The following STS variants were observed in gnomAD, a reference collection of about 807,000 sequenced individuals.
STS encodes steroid sulfatase.
STS carries 7 observed loss-of-function variants against 26.8 expected under a neutral mutation model. That is an observed-to-expected ratio of 0.26 (90% CI 0.15 to 0.49). The LOEUF (loss-of-function observed/expected upper bound fraction) is 0.49, where lower values mean the gene tolerates loss of function less well. Among genes scored for constraint, STS ranks in the 20% least tolerant of loss-of-function variants. The probability of loss-of-function intolerance (pLI) is 0.98; values close to 1 mark genes in which losing one functional copy is unlikely to be tolerated. For synonymous variants in STS, 199 were observed against 189.4 expected (o/e 1.05, Z -0.42); for missense variants, 434 against 465.6 (o/e 0.93, Z 0.63).
Position 7,215,138 on chromosome X carries a change from C to CATATATAT in STS, c.-5+24142_-5+24149dup, listed in dbSNP as rs369499691. On this transcript the variant is annotated intron_variant, in intron 2 of 10. Coordinates refer to ENST00000674429, the MANE Select transcript of STS (RefSeq NM_001320752.2). ...ATATACACACACACACACACACACA[C>CATATATAT]ATATATATATATATATATACACACC... 1.4e-3 allele frequency among the ~76,000 whole-genome samples: 127 copies of CATATATAT among 90,292 alleles called. 1 individual carries two copies. Among genetic ancestry groups the CATATATAT allele is most frequent in the African/African-American group, 5.0e-3 (118 of 23,402 alleles). 78.4% of individuals were successfully genotyped at this position (90,292 alleles called of 115,157 possible). A position where few individuals can be genotyped will look rare whatever the true frequency, so the allele number is the denominator to read the frequency against.
At chrX:7,267,071 C>G (rs1445233103) in intron 6 of STS, among the ~76,000 whole-genome samples, 1 of 112,148 alleles carries the variant, frequency 8.9e-6, no homozygotes, top group Non-Finnish European at 1.9e-5. Flanking sequence ...TTAAACAGAA[C>G]TAACTCAACC....
chrX:7,332,650 T>G (rs1927812689), intron 9 of STS, among the ~76,000 whole-genome samples: 1 of 111,104 alleles, frequency 9.0e-6, no homozygotes, highest in African/African-American at 3.3e-5. Context: ...CTCTCTTACT[T>G]CTTCCTTCCT....
At chrX:7,222,159 G>A (rs971951347) in intron 2 of STS, among the ~76,000 whole-genome samples, 5 of 111,842 alleles carry the variant, frequency 4.5e-5, no homozygotes, top group Non-Finnish European at 9.4e-5. Context: ...GCACTTCCAA[G>A]AACAGATGTG....
intron 10 of STS, among the ~76,000 whole-genome samples, chrX:7,335,537 A>T: frequency 9.0e-6 from 1 of 110,879 alleles, no homozygotes; most frequent in Admixed American, 9.6e-5. Context: ...GATTGCAAAA[A>T]TTTTCTCCCA....
intron 6 of STS, among the ~76,000 whole-genome samples, chrX:7,274,722 G>A (rs1601705305): frequency 1.8e-5 from 2 of 112,118 alleles, no homozygotes; most frequent in African/African-American, 6.5e-5. Flanking sequence ...AGGTTTAGGT[G>A]CTCTCTGAAT....
chrX:7,200,058 C>CT (rs5901338), intron 2 of STS, among the ~76,000 whole-genome samples: 21 of 97,810 alleles, frequency 2.1e-4, no homozygotes, highest in East Asian at 9.8e-4. Flanking sequence ...TGTGAGCTTT[C>CT]TTTTTTTTTT....
chrX:7,166,190 T>A (rs2146993433), intron 1 of STS, among the ~76,000 whole-genome samples: 1 of 110,511 alleles, frequency 9.0e-6, no homozygotes, highest in Admixed American at 9.7e-5. Context: ...GTATTCTTTG[T>A]AGAATCGGGG....
chrX:7,248,752 T>C (rs1393979621), intron 2 of STS, among the ~76,000 whole-genome samples: 1 of 111,769 alleles, frequency 8.9e-6, no homozygotes, highest in Admixed American at 9.5e-5. Flanking sequence ...TAACCATTTT[T>C]AAGTGGCATT....
intron 9 of STS, 131 bp from the exon 10 acceptor site, chrX:7,333,855 G>C (rs1167755668): frequency 2.5e-5 from 22 of 895,394 alleles, no homozygotes; most frequent in Admixed American, 5.0e-5. Flanking sequence ...TGTTGCACAG[G>C]GCACCCAGGT....
At chrX:7,203,359 C>A (rs1934109925) in intron 2 of STS, among the ~76,000 whole-genome samples, 1 of 111,910 alleles carries the variant, frequency 8.9e-6, no homozygotes, top group African/African-American at 3.2e-5. Flanking sequence ...AAAAAAGGAA[C>A]CTTGTTAGTT....
At chrX:7,170,364 C>CA (rs1398168952) in intron 1 of STS, among the ~76,000 whole-genome samples, 8 of 111,217 alleles carry the variant, frequency 7.2e-5, no homozygotes, top group African/African-American at 2.6e-4. Flanking sequence ...GTAATTTAAT[C>CA]AAAACATTCA....
intron 2 of STS, among the ~76,000 whole-genome samples, chrX:7,233,264 T>C (rs1341181251): frequency 1.8e-5 from 2 of 109,423 alleles, no homozygotes; most frequent in African/African-American, 6.7e-5. Flanking sequence ...TGGCTAGTTT[T>C]TGTATTTTTA....
At chrX:7,290,214 A>G (rs1434500764) in intron 7 of STS, among the ~76,000 whole-genome samples, 1 of 111,643 alleles carries the variant, frequency 9.0e-6, no homozygotes, top group Admixed American at 9.5e-5. Flanking sequence ...ACCATTTTCA[A>G]AAACCAAAAG....
At chrX:7,341,897 C>T (rs1928303063) in intron 10 of STS, among the ~76,000 whole-genome samples, 1 of 110,396 alleles carries the variant, frequency 9.1e-6, no homozygotes, top group Admixed American at 9.6e-5. Flanking sequence ...ACTGCAAACT[C>T]CACCTCCAGG....
chrX:7,311,035 G>A (rs1569221153), intron 8 of STS, among the ~76,000 whole-genome samples: 1 of 111,871 alleles, frequency 8.9e-6, no homozygotes. Context: ...CTGGTTGATG[G>A]GCTTGTTTTA....
At chrX:7,205,711 G>A (rs1490349551) in intron 2 of STS, among the ~76,000 whole-genome samples, 2 of 100,774 alleles carry the variant, frequency 2.0e-5, no homozygotes, top group Non-Finnish European at 4.0e-5. Context: ...GGAGTGCAGT[G>A]ATGCGATCAT....
At chrX:7,219,202 A>G (rs1921436656) in intron 2 of STS, among the ~76,000 whole-genome samples, 2 of 112,301 alleles carry the variant, frequency 1.8e-5, no homozygotes, top group South Asian at 7.4e-4. Context: ...ACTCCCGTTC[A>G]GTCTCTTATC....
intron 10 of STS, among the ~76,000 whole-genome samples, chrX:7,343,017 G>T (rs1161174633): frequency 2.7e-5 from 3 of 111,038 alleles, no homozygotes; most frequent in African/African-American, 9.8e-5. Context: ...GAGGGGGCAG[G>T]CCTAGGGTTC....
At chrX:7,176,128 C>G (rs1182850791) in intron 1 of STS, among the ~76,000 whole-genome samples, 1 of 111,446 alleles carries the variant, frequency 9.0e-6, no homozygotes, top group African/African-American at 3.3e-5. Flanking sequence ...TTTGTATTGG[C>G]ACTTTGGAAC....
Sources: allele counts gnomAD v4.1 joint callset (sites outside exome capture counted in the v4.1 genomes callset), GRCh38; gene constraint gnomAD v4.1.1; transcripts MANE v1.5; gene names NCBI Gene and HGNC (gene_info 2026-07-23, HGNC 2026-07-21).